Variants in DNAJC14 observed in about 807,000 individuals in gnomAD.
The protein encoded by DNAJC14 is DnaJ heat shock protein family (Hsp40) member C14.
A neutral mutation model predicts 68.8 loss-of-function variants in DNAJC14; 12 were observed. The observed-to-expected ratio is 0.17, with a 90% confidence interval of 0.11 to 0.28. The LOEUF is 0.28. Ranked by LOEUF, DNAJC14 falls within the 10% of genes least tolerant of loss-of-function variation. The probability of loss-of-function intolerance (pLI) is 1.00; values close to 1 mark genes in which losing one functional copy is unlikely to be tolerated. For missense variants in DNAJC14, 764 were observed against 875.6 expected (o/e 0.87, Z 1.61); for synonymous variants, 350 against 321.5 (o/e 1.09, Z -0.95).
At position 55,828,128 on chromosome 12, in the gene DNAJC14, G is replaced by C; in HGVS notation, c.531C>G (p.Leu177=). ...CACGTGAAAAATCACTGGGGAACTT[G>C]AGAGATTCTTCATCATCATATTCCT... The part of the protein sequence containing the change: ...LEEEYDDEES[L]KFPSDFSRVS... The change falls in exon 2 of 7, where the codon CTC becomes CTG. Residue 177 remains leucine, a synonymous_variant. Transcript: ENST00000678005. The C allele has an allele frequency of 6.2e-7, 1 of 1,607,784 alleles. No homozygotes were observed. Among genetic ancestry groups the C allele is most frequent in the Non-Finnish European group, 8.5e-7 (1 of 1,176,702 alleles).
rs1880684165 is a variant in DNAJC14 at position 55,822,181 on chromosome 12, G to A, written c.1905C>T (p.Thr635=). The stretch of plus-strand genomic sequence containing the variant: ...GAAGATCAGCAGGAGGGGCATCTGG[G>A]GTGGCTCTGAGGTAAAACAGAAGAA... ...IPGTRGRQRA[T]PDAPPADLQD... Residue 635 remains threonine, a synonymous_variant, in exon 7 of 7, where the codon ACC becomes ACT. Coordinates refer to ENST00000678005, the MANE Select transcript of DNAJC14 (RefSeq NM_032364.6). 6.3e-7 allele frequency: 1 copy of A among 1,592,798 alleles called. No individual in the cohort carries two copies. Among genetic ancestry groups the A allele is most frequent in the Non-Finnish European group, 8.5e-7 (1 of 1,169,812 alleles).
chr12:55,829,531 G>A lies in DNAJC14; in HGVS notation c.-99C>T, dbSNP rs1322170106. The A allele has an allele frequency of 1.0e-6, 1 of 984,742 alleles. No individual in the cohort carries two copies. The highest frequency in any genetic ancestry group is 1.2e-6 in the Non-Finnish European group (1 of 829,890). 61.0% of individuals were successfully genotyped at this position (984,742 alleles called of 1,614,324 possible). Reference sequence around the variant, plus strand: ...TCCTCCCCCTCGAGCCGCCCGGCCTGGGGCCAGGGTGAGCTACGAGAGCCG... The same window carrying A: ...TCCTCCCCCTCGAGCCGCCCGGCCTAGGGCCAGGGTGAGCTACGAGAGCCG... On this transcript the variant is annotated 5_prime_UTR_variant, in exon 1 of 7. Coordinates refer to ENST00000678005, the MANE Select transcript of DNAJC14 (RefSeq NM_032364.6).
In DNAJC14 at chr12:55,822,108, T is replaced by C; in HGVS notation, c.1978A>G (p.Asn660Asp). ...IFQVPPGQMP[N>D]GNFFAAPQPA... is the part of the protein sequence containing the mutation. ...TGAGGAGCTGCAAAGAAGTTCCCATTGGGCATCTGCCCTGGGGGTACTTGA... is the reference window on the plus strand; with the variant it reads ...TGAGGAGCTGCAAAGAAGTTCCCATCGGGCATCTGCCCTGGGGGTACTTGA... The change falls in exon 7 of 7, where the codon AAT becomes GAT. Residue 660 changes from asparagine to aspartate, a missense_variant. Physicochemically the swap from Asn to Asp is conservative, Grantham distance 23. Coordinates refer to ENST00000678005, the MANE Select transcript of DNAJC14 (RefSeq NM_032364.6). The C allele has an allele frequency of 6.2e-7, 1 of 1,613,782 alleles. No individual in the cohort carries two copies. The highest frequency in any genetic ancestry group is 8.5e-7 in the Non-Finnish European group (1 of 1,179,888).
At chr12:55,829,414 C>T in intron 1 of DNAJC14, 75 bp downstream of exon 1, 1 of 983,278 alleles carries the variant, frequency 1.0e-6, no homozygotes, top group Non-Finnish European at 1.2e-6. Flanking sequence ...CACTGTACTC[C>T]AGTCTGGGTG....
chr12:55,829,828 A>T (rs925234830), upstream of DNAJC14: 3 of 155,204 alleles, frequency 1.9e-5, no homozygotes, highest in African/African-American at 7.2e-5. Context: ...GAAGCAAGGC[A>T]GGTGGACTCT....
rs748655586 is a variant in DNAJC14, at chr12:55,821,927, C to A, written c.*50G>T. The A allele has an allele frequency of 1.4e-5, 22 of 1,554,636 alleles. No individual in the cohort carries two copies. The highest frequency in any genetic ancestry group is 1.9e-5 in the Non-Finnish European group (22 of 1,145,934). On this transcript the variant is annotated 3_prime_UTR_variant, in exon 7 of 7. Coordinates refer to ENST00000678005, the MANE Select transcript of DNAJC14 (RefSeq NM_032364.6). ...GGGATAAATCAAACTCCATCCTGTG[C>A]TACAGCCCTTTTGACTCCCTGACAT...
At position 55,827,391 on chromosome 12, in the gene DNAJC14, T is replaced by C; in HGVS notation, c.1268A>G (p.Gln423Arg). The stretch of plus-strand genomic sequence containing the variant: ...GAGTCGAGCCACTTCCTCTTCAGGC[T>C]GGCAGTAGCGCCCACTAGCTACAGG... Reference protein sequence around the residue: ...NAPVASGRYCQPEEEVARLLT... With the variant: ...NAPVASGRYCRPEEEVARLLT... The change falls in exon 2 of 7, where the codon CAG becomes CGG. Residue 423 changes from glutamine to arginine, a missense_variant. Around this residue, in one of 4 missense-constraint regions of DNAJC14, gnomAD observed 514 missense variants for 521.7 expected, o/e 0.99. Transcript: ENST00000678005. 2 of 1,613,802 alleles carry C rather than the reference T, an allele frequency of 1.2e-6. No individual in the cohort carries two copies. The highest frequency in any genetic ancestry group is 1.7e-6 in the Non-Finnish European group (2 of 1,179,884).
chr12:55,827,545 G>A lies in DNAJC14; in HGVS notation c.1114C>T (p.Pro372Ser). 6.2e-7 allele frequency: 1 copy of A among 1,606,368 alleles called. No individual in the cohort carries two copies. Among genetic ancestry groups the A allele is most frequent in the African/African-American group, 1.3e-5 (1 of 74,858 alleles). Residue 372 changes from proline to serine, a missense_variant, in exon 2 of 7, where the codon CCA (proline) becomes TCA (serine). Transcript: ENST00000678005. ...ATWLFSWLDS[P>S]ALQRCLTLLR... The stretch of plus-strand genomic sequence containing the variant: ...AGAGTCAAGCAACGCTGCAAGGCTG[G>A]AGAATCCAGCCAAGAGAAGAGCCAG...
intron 2 of DNAJC14, among the ~76,000 whole-genome samples, chr12:55,823,929 C>G (rs1565689014): frequency 6.6e-6 from 1 of 150,634 alleles, no homozygotes; most frequent in Non-Finnish European, 1.5e-5. Context: ...GTCTCGAACT[C>G]CTGACCTCAA....
chr12:55,825,928 T>C (rs748068064), intron 2 of DNAJC14, among the ~76,000 whole-genome samples: 3 of 152,196 alleles, frequency 2.0e-5, no homozygotes, highest in African/African-American at 4.8e-5. Context: ...TGCCCTCTCC[T>C]ATTCTGAGTT....
At chr12:55,829,651 A>G (rs1880919238), upstream of DNAJC14, 1 of 972,924 alleles carries the variant, frequency 1.0e-6, no homozygotes, top group Non-Finnish European at 1.2e-6. Flanking sequence ...CGGGGTCACC[A>G]GGGAAGAGAC....
intron 2 of DNAJC14, among the ~76,000 whole-genome samples, chr12:55,826,460 G>T (rs1880797424): frequency 6.6e-6 from 1 of 151,730 alleles, no homozygotes; most frequent in Non-Finnish European, 1.5e-5. Context: ...GATCACAGGT[G>T]TGAGCCACTG....
At position 55,827,559 on chromosome 12, in the gene DNAJC14, G is replaced by A. The variant is rs1249866490; in HGVS notation, c.1100C>T (p.Ser367Phe). The A allele has an allele frequency of 5.0e-6, 8 of 1,606,592 alleles. No individual in the cohort carries two copies. The highest frequency in any genetic ancestry group is 6.8e-6 in the Non-Finnish European group (8 of 1,173,718). Residue 367 changes from serine to phenylalanine, a missense_variant, in exon 2 of 7, where the codon TCT (serine) becomes TTT (phenylalanine). Physicochemically the swap from Ser to Phe is radical, Grantham distance 155 (BLOSUM62 -2). Coordinates refer to ENST00000678005, the MANE Select transcript of DNAJC14 (RefSeq NM_032364.6). ...CTGCAAGGCTGGAGAATCCAGCCAA[G>A]AGAAGAGCCAGGTAGCCTTATCCCT... ...GWRDKATWLF[S>F]WLDSPALQRC...
chr12:55,822,590 T>C lies in DNAJC14; in HGVS notation c.1777A>G (p.Lys593Glu). ...KITYFALMDGKVYDITEWAGC... is the reference protein window; with the variant it reads ...KITYFALMDGEVYDITEWAGC... Reference sequence around the variant, plus strand: ...AGAGTACCTGTGATGTCATACACCTTTCCATCCATCAGTGCAAAGTAGGTG... The same window carrying C: ...AGAGTACCTGTGATGTCATACACCTCTCCATCCATCAGTGCAAAGTAGGTG... The change falls in exon 5 of 7, where the codon AAG becomes GAG. Residue 593 changes from lysine to glutamate, a missense_variant. Lys to Glu is a moderately conservative substitution (Grantham distance 56). Transcript: ENST00000678005. 6.2e-7 allele frequency: 1 copy of C among 1,614,206 alleles called. No homozygotes were observed. The highest frequency in any genetic ancestry group is 8.5e-7 in the Non-Finnish European group (1 of 1,180,034).
Position 55,822,185 on chromosome 12 carries a change from G to T in DNAJC14, c.1901C>A (p.Ala634Asp). The T allele has an allele frequency of 6.3e-7, 1 of 1,585,432 alleles. No individual in the cohort carries two copies. The highest frequency in any genetic ancestry group is 8.6e-7 in the Non-Finnish European group (1 of 1,167,072). Reference protein sequence around the residue: ...RIPGTRGRQRATPDAPPADLQ... With the variant: ...RIPGTRGRQRDTPDAPPADLQ... Reference sequence around the variant, plus strand: ...ATCAGCAGGAGGGGCATCTGGGGTGGCTCTGAGGTAAAACAGAAGAAATAA... The same window carrying T: ...ATCAGCAGGAGGGGCATCTGGGGTGTCTCTGAGGTAAAACAGAAGAAATAA... The change falls in exon 7 of 7, where the codon GCC becomes GAC. Residue 634 changes from alanine to aspartate, a missense_variant and splice_region_variant. Physicochemically the swap from Ala to Asp is moderately radical, Grantham distance 126. This residue lies in a region of DNAJC14 where 134 missense variants were observed against 162.3 expected (regional missense o/e 0.83). Transcript: ENST00000678005.
In DNAJC14 at chr12:55,822,403, G is replaced by A. The variant is rs1321283426; in HGVS notation, c.1868C>T (p.Ser623Phe). The change falls in exon 6 of 7, where the codon TCT (serine) becomes TTT (phenylalanine). Residue 623 changes from serine (S) to phenylalanine (F), a missense_variant. Transcript: ENST00000678005. ...HRVPYHISFG[S>F]RIPGTRGRQR... ...CCGCCCTCTGGTGCCTGGAATCCGA[G>A]AACCAAATGAGATGTGATAGGGGAC... 1 of 1,613,086 alleles carries A rather than the reference G, an allele frequency of 6.2e-7. No individual in the cohort carries two copies. Among genetic ancestry groups the A allele is most frequent in the Non-Finnish European group, 8.5e-7 (1 of 1,180,032 alleles).
rs1880690573 is a variant in DNAJC14, at chr12:55,822,355, G to T, written c.1898+18C>A. On this transcript the variant is annotated intron_variant, in intron 6 of 6. Coordinates refer to ENST00000678005, the MANE Select transcript of DNAJC14 (RefSeq NM_032364.6). ...AAACTGAAATAGTGGATAGATTATT[G>T]ACAGAAATACCACCTACCTCTGCCG... 6.2e-7 allele frequency: 1 copy of T among 1,607,950 alleles called. No individual in the cohort carries two copies. Among genetic ancestry groups the T allele is most frequent in the South Asian group, 1.1e-5 (1 of 90,148 alleles).
intron 2 of DNAJC14, among the ~76,000 whole-genome samples, chr12:55,825,030 G>A (rs1880756702): frequency 6.6e-6 from 1 of 151,338 alleles, no homozygotes; most frequent in Non-Finnish European, 1.5e-5. Context: ...TACTCAGGAA[G>A]CTGAGGTGGA....
At position 55,823,505 on chromosome 12, in the gene DNAJC14, G is replaced by A; in HGVS notation, c.1411C>T (p.His471Tyr). ...KAYRQLAVMV[H>Y]PDKNHHPRAE... ...CGGGGATGATGATTTTTGTCAGGAT[G>A]AACCTACCAAGACAGAGAGATTTCA... The change falls in exon 3 of 7, where the codon CAT (histidine) becomes TAT (tyrosine). Residue 471 changes from histidine (H) to tyrosine (Y), a missense_variant. Coordinates refer to ENST00000678005, the MANE Select transcript of DNAJC14 (RefSeq NM_032364.6). 6.2e-7 allele frequency: 1 copy of A among 1,613,718 alleles called. No individual in the cohort carries two copies. Among genetic ancestry groups the A allele is most frequent in the South Asian group, 1.1e-5 (1 of 91,074 alleles).
Sources: gnomAD v4.1 joint callset for allele counts (sites outside exome capture counted in the v4.1 genomes callset) on GRCh38, gnomAD v4.1.1 for gene constraint, gnomAD v4.1.1 regional missense constraint, MANE v1.5 for transcripts, NCBI Gene and HGNC (gene_info 2026-07-23, HGNC 2026-07-21) for gene names.